Variants in DPP6 observed in about 807,000 individuals in gnomAD.
The protein encoded by DPP6 is A-type potassium channel modulatory protein DPP6.
In DPP6, 69 loss-of-function variants were observed where a neutral mutation model predicts 122.6. The observed-to-expected ratio is 0.56, with a 90% CI of 0.46 to 0.69. The LOEUF is 0.69. Among genes scored for constraint, DPP6 ranks in the 30% least tolerant of loss-of-function variants. The probability of loss-of-function intolerance (pLI) is 0.00; values close to 1 mark genes in which losing one functional copy is unlikely to be tolerated. For missense variants in DPP6, 928 were observed against 1,116.9 expected (o/e 0.83, Z 2.41); for synonymous variants, 418 against 433.1 (o/e 0.97, Z 0.43).
chr7:154,227,225 C>CACACACACACACACACACACACAT, intron 1 of DPP6, among the ~76,000 whole-genome samples: 1 of 151,840 alleles, frequency 6.6e-6, no homozygotes, highest in Non-Finnish European at 1.5e-5. Flanking sequence ...GACACACACA[C>CACACACACACACACACACACACAT]ACACACCCCT....
chr7:154,536,518 T>G (rs1238199554), intron 3 of DPP6, among the ~76,000 whole-genome samples: 1 of 152,160 alleles, frequency 6.6e-6, no homozygotes, highest in East Asian at 1.9e-4. Context: ...AACTTTCAAT[T>G]GAATGAAATC....
chr7:153,855,649 T>C, the DPP6 span, among the ~76,000 whole-genome samples: 3 of 152,120 alleles, frequency 2.0e-5, no homozygotes, highest in Non-Finnish European at 2.9e-5. Context: ...CCAATAGGGC[T>C]CCCAAATCTA....
At chr7:154,781,783 C>G (rs1008742139) in intron 10 of DPP6, among the ~76,000 whole-genome samples, 6 of 152,162 alleles carry the variant, frequency 3.9e-5, no homozygotes, top group Admixed American at 3.9e-4. Flanking sequence ...ACTGTGGGCC[C>G]TTTATTTCAT....
chr7:154,101,946 A>AG (rs1805761119), intron 1 of DPP6, among the ~76,000 whole-genome samples: 1 of 151,110 alleles, frequency 6.6e-6, no homozygotes, highest in East Asian at 1.9e-4. Context: ...AAAAAAAAAA[A>AG]AAAAAAAAAA....
At position 154,101,026 on chromosome 7, in the gene DPP6, T is replaced by C. The variant is rs1805690069; in HGVS notation, c.243+47963T>C. 1.6e-5 allele frequency among the ~76,000 whole-genome samples: 2 copies of C among 128,262 alleles called. 1 individual carries two copies. The highest frequency in any genetic ancestry group is 3.5e-5 in the Non-Finnish European group (2 of 57,334). The allele number at this position is 128,262 out of a possible 152,430, so 84.1% of individuals were successfully genotyped here. A position where few individuals can be genotyped will look rare whatever the true frequency, so the allele number is the denominator to read the frequency against. ...CCCCTGACGGAGCTGTGGTTGGTCCTGTGTTTACCTCTTCGGCCTTTCCAC... is the reference window on the plus strand; with the variant it reads ...CCCCTGACGGAGCTGTGGTTGGTCCCGTGTTTACCTCTTCGGCCTTTCCAC... On this transcript the variant is annotated intron_variant, in intron 1 of 25. Transcript: ENST00000377770.
chr7:154,005,304 C>CT (rs1346514710), intron 1 of DPP6, among the ~76,000 whole-genome samples: 1 of 152,168 alleles, frequency 6.6e-6, no homozygotes, highest in Non-Finnish European at 1.5e-5. Flanking sequence ...TGGTCCTATC[C>CT]AGGGCTTCCC....
chr7:154,512,623 G>A (rs1826177471), intron 3 of DPP6, among the ~76,000 whole-genome samples: 1 of 152,114 alleles, frequency 6.6e-6, no homozygotes, highest in Non-Finnish European at 1.5e-5. Flanking sequence ...CAGACCTTTT[G>A]TGCCCGATCA....
intron 1 of DPP6, among the ~76,000 whole-genome samples, chr7:154,046,207 G>A (rs1251841596): frequency 6.6e-6 from 1 of 152,110 alleles, no homozygotes; most frequent in Non-Finnish European, 1.5e-5. Context: ...CTAAAGCATC[G>A]GCTGTTAATA....
chr7:154,390,022 G>A (rs1289444408), intron 1 of DPP6, among the ~76,000 whole-genome samples: 1 of 152,238 alleles, frequency 6.6e-6, no homozygotes, highest in African/African-American at 2.4e-5. Flanking sequence ...GCATTCAAGT[G>A]GGTGTCCTCC....
chr7:154,746,182 G>T (rs1338670928), intron 8 of DPP6, among the ~76,000 whole-genome samples: 1 of 152,174 alleles, frequency 6.6e-6, no homozygotes. Context: ...TTCTCTTTGT[G>T]GGGAGACATG....
intron 1 of DPP6, among the ~76,000 whole-genome samples, chr7:154,126,158 A>T (rs1346560527): frequency 3.9e-5 from 6 of 152,146 alleles, no homozygotes; most frequent in Admixed American, 6.5e-5. Context: ...TTCAATATTC[A>T]TTTTGGTTCT....
chr7:154,640,420 G>C (rs1360978785), intron 6 of DPP6, among the ~76,000 whole-genome samples: 1 of 151,926 alleles, frequency 6.6e-6, no homozygotes, highest in Non-Finnish European at 1.5e-5. Context: ...AACCTCTGGG[G>C]GTGCCAAAGT....
chr7:154,243,292 A>G (rs1231178965), intron 1 of DPP6, among the ~76,000 whole-genome samples: 1 of 152,216 alleles, frequency 6.6e-6, no homozygotes, highest in Non-Finnish European at 1.5e-5. Flanking sequence ...AACAACAGTC[A>G]ATAGAAACAA....
intron 1 of DPP6, among the ~76,000 whole-genome samples, chr7:154,133,203 A>G (rs899664046): frequency 1.3e-5 from 2 of 152,192 alleles, no homozygotes; most frequent in Non-Finnish European, 2.9e-5. Context: ...CAGAGGAGAA[A>G]TTGAATGCCC....
rs1795464580 is a variant in DPP6, at chr7:154,760,432, T to G, written c.884-8985T>G. The stretch of plus-strand genomic sequence containing the variant: ...GTTGACCAACTTGGTTCTGACAGAC[T>G]TCAGCCAGTTCTCTTATCTCGGGGC... On this transcript the variant is annotated intron_variant, in intron 8 of 25. Transcript: ENST00000377770. This position sits in a 1 kb window ranked among gnomAD's most constrained non-coding sequence, Gnocchi z 4.5. 3.9e-5 allele frequency among the ~76,000 whole-genome samples: 6 copies of G among 152,084 alleles called. No individual in the cohort carries two copies. Among genetic ancestry groups the G allele is most frequent in the Admixed American group, 3.9e-4 (6 of 15,278 alleles).
intron 1 of DPP6, among the ~76,000 whole-genome samples, chr7:154,203,791 G>C (rs957556683): frequency 2.4e-4 from 37 of 152,146 alleles, no homozygotes; most frequent in African/African-American, 8.7e-4. Flanking sequence ...GCGGATATTT[G>C]TCCAAACTGC....
At chr7:154,806,024 C>T (rs754426117) in intron 15 of DPP6, among the ~76,000 whole-genome samples, 70 of 152,344 alleles carry the variant, frequency 4.6e-4, no homozygotes, top group Middle Eastern at 3.4e-3. Flanking sequence ...ACGCAGCCTC[C>T]CTTCCCAGCC....
At chr7:154,352,022 GC>G (rs1193587765) in intron 1 of DPP6, among the ~76,000 whole-genome samples, 1 of 152,090 alleles carries the variant, frequency 6.6e-6, no homozygotes, top group East Asian at 1.9e-4. Context: ...CCTGCCCACT[GC>G]CCCTTTGGGC....
intron 1 of DPP6, among the ~76,000 whole-genome samples, chr7:154,396,537 T>C (rs1002727609): frequency 2.6e-5 from 4 of 152,204 alleles, no homozygotes; most frequent in African/African-American, 9.7e-5. Flanking sequence ...TATCTCGTGC[T>C]CATATTGAAA....
Sources: allele counts gnomAD v4.1 joint callset (sites outside exome capture counted in the v4.1 genomes callset), GRCh38; gene constraint gnomAD v4.1.1; non-coding constraint Gnocchi (gnomAD v3.1); transcripts MANE v1.5; gene names NCBI Gene and HGNC (gene_info 2026-07-23, HGNC 2026-07-21).